The following MAPK4 variants were observed in gnomAD, a reference collection of about 807,000 sequenced individuals.
MAPK4 encodes mitogen-activated protein kinase 4.
Under a neutral mutation model 47.7 loss-of-function variants are expected in MAPK4, and 22 were observed. The observed-to-expected ratio is 0.46, with a 90% CI of 0.33 to 0.66. The LOEUF (loss-of-function observed/expected upper bound fraction) is 0.66, where lower values mean the gene tolerates loss of function less well. MAPK4 is among the 30% of genes least tolerant of loss of function. MAPK4 has a pLI of 0.02. For missense variants in MAPK4, 736 were observed against 831.7 expected (o/e 0.88, Z 1.42); for synonymous variants, 390 against 365.7 (o/e 1.07, Z -0.76).
rs1211141657 is a variant in MAPK4 at position 50,678,769 on chromosome 18, A to G, written c.546+14265A>G. The stretch of plus-strand genomic sequence containing the variant: ...GTTTGCCCTCTGCTGTCCATCATGC[A>G]CCTGGCAGGATCCCCTTGTTTTCTG... On this transcript the variant is annotated intron_variant, in intron 2 of 5. Coordinates refer to ENST00000400384, the MANE Select transcript of MAPK4 (RefSeq NM_002747.4). This position sits in a 1 kb window ranked among gnomAD's most constrained non-coding sequence, Gnocchi z 4.2. Among the ~76,000 whole-genome samples the G allele has an allele frequency of 2.6e-5, 4 of 151,940 alleles. No homozygotes were observed. The highest frequency in any genetic ancestry group is 4.4e-5 in the Non-Finnish European group (3 of 68,004).
At chr18:50,581,775 G>A (rs2042347711) in intron 1 of MAPK4, among the ~76,000 whole-genome samples, 1 of 152,210 alleles carries the variant, frequency 6.6e-6, no homozygotes, top group Admixed American at 6.5e-5. Flanking sequence ...CCAAGAGTTA[G>A]TCTGACAACA....
At chr18:50,694,768 C>G (rs1399459866) in intron 2 of MAPK4, among the ~76,000 whole-genome samples, 6 of 152,186 alleles carry the variant, frequency 3.9e-5, no homozygotes, top group Non-Finnish European at 8.8e-5. Flanking sequence ...TCCTTGCTCC[C>G]TTACTCTGCA....
rs549515983 is a variant in MAPK4, at chr18:50,681,675, T to C, written c.546+17171T>C. On this transcript the variant is annotated intron_variant, in intron 2 of 5. Coordinates refer to ENST00000400384, the MANE Select transcript of MAPK4 (RefSeq NM_002747.4). ...CCAGCACCATCTCTTGAAAACACTA[T>C]TTTTTCCCATTGAATTGTCTTGGAA... 3.3e-5 allele frequency among the ~76,000 whole-genome samples: 5 copies of C among 152,334 alleles called. No homozygotes were observed. The South Asian group carries it at 6.2e-4, about 19-fold the overall frequency.
intron 2 of MAPK4, among the ~76,000 whole-genome samples, chr18:50,677,217 G>A (rs1258442164): frequency 2.0e-5 from 3 of 152,180 alleles, no homozygotes; most frequent in Non-Finnish European, 1.5e-5. Flanking sequence ...TGTTTTCCAC[G>A]AAACTGATCC....
At chr18:50,616,138 G>C (rs968071190) in intron 1 of MAPK4, among the ~76,000 whole-genome samples, 1 of 152,098 alleles carries the variant, frequency 6.6e-6, no homozygotes, top group Non-Finnish European at 1.5e-5. Flanking sequence ...ATTTTGATTG[G>C]GTATATGTCT....
chr18:50,653,666 A>T (rs1036903853), intron 1 of MAPK4, among the ~76,000 whole-genome samples: 3 of 152,228 alleles, frequency 2.0e-5, no homozygotes, highest in African/African-American at 4.8e-5. Context: ...CCTGCAGGGC[A>T]CCTACTGTGC....
chr18:50,726,940 A>G (rs1371101186), intron 5 of MAPK4, among the ~76,000 whole-genome samples: 4 of 152,034 alleles, frequency 2.6e-5, no homozygotes, highest in Non-Finnish European at 1.5e-5. Flanking sequence ...AGGTTAAGAG[A>G]CTGGCATCAT....
intron 2 of MAPK4, among the ~76,000 whole-genome samples, chr18:50,706,617 C>G (rs1450103703): frequency 6.6e-6 from 1 of 152,176 alleles, no homozygotes; most frequent in Non-Finnish European, 1.5e-5. Flanking sequence ...GCCATTTGCA[C>G]AAGGACTGGC....
At chr18:50,728,773 G>A (rs933673819) in intron 5 of MAPK4, among the ~76,000 whole-genome samples, 2 of 152,176 alleles carry the variant, frequency 1.3e-5, no homozygotes, top group Non-Finnish European at 1.5e-5. Flanking sequence ...AGCAAGACCC[G>A]CAGGTGATTC....
chr18:50,648,228 G>A (rs2043009877), intron 1 of MAPK4, among the ~76,000 whole-genome samples: 1 of 152,110 alleles, frequency 6.6e-6, no homozygotes, highest in Admixed American at 6.5e-5. Context: ...CACAGCATGA[G>A]CAGGGTTGCT....
chr18:50,651,054 CT>C (rs1454478779), intron 1 of MAPK4, among the ~76,000 whole-genome samples: 2 of 152,212 alleles, frequency 1.3e-5, no homozygotes, highest in East Asian at 3.8e-4. Context: ...TGGGTTCCTG[CT>C]GTAATTAGTA....
In MAPK4 at chr18:50,663,994, T is replaced by G; in HGVS notation, c.36T>G (p.Tyr12Ter). The change falls in exon 2 of 6, where the codon TAT (tyrosine) becomes TAG (stop). Residue 12 changes from tyrosine to a stop codon, truncating the protein, a stop_gained. Transcript: ENST00000400384. LOFTEE classifies it high-confidence loss of function. The stretch of plus-strand genomic sequence containing the variant: ...AGGGTGACTGCATCGCCAGTGTCTA[T>G]GGGTATGACCTCGGTGGGCGCTTTG... ...AEKGDCIASV[Y>*]GYDLGGRFVD... 1 of 1,613,856 alleles carries G rather than the reference T, an allele frequency of 6.2e-7. No homozygotes were observed. The highest frequency in any genetic ancestry group is 8.5e-7 in the Non-Finnish European group (1 of 1,180,020).
chr18:50,660,433 A>T (rs2043157912), intron 1 of MAPK4, among the ~76,000 whole-genome samples: 1 of 152,190 alleles, frequency 6.6e-6, no homozygotes, highest in South Asian at 2.1e-4. Context: ...CCACCTAGGA[A>T]ACGTGGGCAT....
intron 1 of MAPK4, among the ~76,000 whole-genome samples, chr18:50,641,840 T>G (rs2042943604): frequency 6.6e-6 from 1 of 152,226 alleles, no homozygotes; most frequent in African/African-American, 2.4e-5. Flanking sequence ...TAAAGTAAAT[T>G]TATGCTAAAT....
chr18:50,727,328 C>A (rs1364184456), intron 5 of MAPK4, among the ~76,000 whole-genome samples: 1 of 152,150 alleles, frequency 6.6e-6, no homozygotes, highest in Non-Finnish European at 1.5e-5. Flanking sequence ...AATGTGACAG[C>A]TAGTTACATA....
intron 2 of MAPK4, among the ~76,000 whole-genome samples, chr18:50,670,909 G>A (rs893399454): frequency 1.3e-5 from 2 of 152,180 alleles, no homozygotes; most frequent in Admixed American, 6.5e-5. Context: ...AGCAATCTGT[G>A]TTTTCACAAG....
At chr18:50,634,444 C>T in intron 1 of MAPK4, among the ~76,000 whole-genome samples, 1 of 151,976 alleles carries the variant, frequency 6.6e-6, no homozygotes, top group Middle Eastern at 3.2e-3. Flanking sequence ...AAACGGTAGC[C>T]GAACACGAGT....
intron 1 of MAPK4, among the ~76,000 whole-genome samples, chr18:50,604,037 C>T (rs1402004684): frequency 6.6e-6 from 1 of 152,120 alleles, no homozygotes; most frequent in Non-Finnish European, 1.5e-5. Context: ...CATACCCAAA[C>T]CATCAAGGAG....
At chr18:50,639,283 C>T (rs2042918092) in intron 1 of MAPK4, among the ~76,000 whole-genome samples, 1 of 152,140 alleles carries the variant, frequency 6.6e-6, no homozygotes, top group African/African-American at 2.4e-5. Flanking sequence ...AAGCCTGAGC[C>T]AAATTAGTTA....
Sources: allele counts gnomAD v4.1 joint callset (sites outside exome capture counted in the v4.1 genomes callset), GRCh38; gene constraint gnomAD v4.1.1; non-coding constraint Gnocchi (gnomAD v3.1); transcripts MANE v1.5; gene names NCBI Gene and HGNC (gene_info 2026-07-23, HGNC 2026-07-21).